ELFN2: variants seen among roughly 807,000 people sequenced by gnomAD.
ELFN2 encodes extracellular leucine rich repeat and fibronectin type III domain containing 2, also known as protein phosphatase 1 regulatory subunit 29.
A neutral mutation model predicts 45.5 loss-of-function variants in ELFN2; 17 were observed. That is an observed-to-expected ratio of 0.37 (90% CI 0.26 to 0.56). ELFN2 has a LOEUF of 0.56. Ranked by LOEUF, ELFN2 falls within the 20% of genes least tolerant of loss-of-function variation. The pLI is 0.77. For synonymous variants in ELFN2, 550 were observed against 551.5 expected (o/e 1.00, Z 0.04); for missense variants, 922 against 1,183.2 (o/e 0.78, Z 3.24).
intron 2 of ELFN2, among the ~76,000 whole-genome samples, chr22:37,411,490 A>G (rs1267704404): frequency 6.6e-6 from 1 of 152,184 alleles, no homozygotes; most frequent in Non-Finnish European, 1.5e-5. Context: ...GTGTGCCCCC[A>G]CAGACCTCAG....
rs1433099257 is a variant in ELFN2 at position 37,417,088 on chromosome 22, GGCC to G, written c.-463+678_-463+680del. Among the ~76,000 whole-genome samples the G allele has an allele frequency of 2.6e-5, 4 of 151,536 alleles. No individual in the cohort carries two copies. The highest frequency in any genetic ancestry group is 4.4e-5 in the Non-Finnish European group (3 of 67,836). ...GCCTGGACAACAGCTCCCTCCACGT[GGCC>G]GCCACCAACACAGCCTCGGTGACAG... On this transcript the variant is annotated intron_variant, in intron 2 of 2. Transcript: ENST00000402918. This position sits in a 1 kb window ranked among gnomAD's most constrained non-coding sequence, Gnocchi z 4.5.
chr22:37,412,743 G>A (rs970504237), intron 2 of ELFN2, among the ~76,000 whole-genome samples: 9 of 152,206 alleles, frequency 5.9e-5, no homozygotes, highest in African/African-American at 1.7e-4. Context: ...GGACTGGCGC[G>A]GCTGCCAGCG....
intron 1 of ELFN2, among the ~76,000 whole-genome samples, chr22:37,360,203 T>C (rs1311863162): frequency 2.0e-5 from 3 of 152,056 alleles, no homozygotes; most frequent in Non-Finnish European, 2.9e-5. Flanking sequence ...AGCCCTAAGT[T>C]CATAGTCTGG....
rs529823224 is a variant in ELFN2 at position 37,375,019 on chromosome 22, G to A, written c.516C>T (p.Ala172=). The part of the protein sequence containing the change: ...RLSRLDGATF[A]SLASLMVCEL... Reference sequence around the variant, plus strand: ...CACACACCATCAGGCTGGCGAGGCTGGCAAAGGTGGCACCGTCCAGGCGGC... The same window carrying A: ...CACACACCATCAGGCTGGCGAGGCTAGCAAAGGTGGCACCGTCCAGGCGGC... The change falls in exon 3 of 3, where the codon GCC becomes GCT. Residue 172 remains alanine, a synonymous_variant. Coordinates refer to ENST00000402918, the MANE Select transcript of ELFN2 (RefSeq NM_052906.5). The A allele has an allele frequency of 3.1e-6, 5 of 1,613,490 alleles. No homozygotes were observed. In the Admixed American group the frequency reaches 6.7e-5, roughly 22 times the overall value.
In ELFN2 at chr22:37,371,956, C is replaced by T. The variant is rs960236606; in HGVS notation, c.*1116G>A. ...GGCGGCTGAGATAGGAGCCGAGATC[C>T]CACGATGGGGTCGGGCAGGTGGGGA... On this transcript the variant is annotated 3_prime_UTR_variant, in exon 3 of 3. Coordinates refer to ENST00000402918, the MANE Select transcript of ELFN2 (RefSeq NM_052906.5). The surrounding 1 kb of genome is among the most constrained non-coding windows in gnomAD (Gnocchi z 6.4). 2.0e-5 allele frequency: 3 copies of T among 152,052 alleles called. No individual in the cohort carries two copies. Among genetic ancestry groups the T allele is most frequent in the Non-Finnish European group, 2.9e-5 (2 of 68,014 alleles). 9.4% of individuals were successfully genotyped at this position (152,052 alleles called of 1,614,324 possible).
In ELFN2 at chr22:37,373,431, C is replaced by G; in HGVS notation, c.2104G>C (p.Ala702Pro). The G allele has an allele frequency of 1.9e-6, 3 of 1,556,576 alleles. No individual in the cohort carries two copies. Among genetic ancestry groups the G allele is most frequent in the Non-Finnish European group, 2.6e-6 (3 of 1,152,756 alleles). ...GGIHHLEVKP[A>P]YHCSEHRHSF... is the part of the protein sequence containing the mutation. ...TGCCGGTGCTCGCTGCAGTGGTAGG[C>G]CGGCTTCACCTCCAGGTGGTGGATG... Residue 702 changes from alanine (A) to proline (P), a missense_variant, in exon 3 of 3, where the codon GCC (alanine) becomes CCC (proline). Coordinates refer to ENST00000402918, the MANE Select transcript of ELFN2 (RefSeq NM_052906.5).
chr22:37,427,130 G>C (rs1288500612), intron 1 of ELFN2, 168 bp downstream of exon 1: 1 of 151,824 alleles, frequency 6.6e-6, no homozygotes, highest in Non-Finnish European at 1.5e-5. Flanking sequence ...GGGATCCCCA[G>C]ACCCAGGAGA....
intron 1 of ELFN2, among the ~76,000 whole-genome samples, chr22:37,355,320 A>G (rs5756645): frequency 1 from 151,988 of 152,330 alleles, 75,825 homozygotes; most frequent in Middle Eastern, 1. Context: ...AGTCAGCCTC[A>G]TAGGTCGGCC....
intron 2 of ELFN2, among the ~76,000 whole-genome samples, chr22:37,408,481 G>A (rs956958091): frequency 7.9e-5 from 12 of 152,248 alleles, no homozygotes; most frequent in Non-Finnish European, 1.6e-4. Flanking sequence ...CTGTTTTACA[G>A]ATGGGGAAAT....
At chr22:37,385,978 C>T (rs1340100611) in intron 2 of ELFN2, among the ~76,000 whole-genome samples, 1 of 152,140 alleles carries the variant, frequency 6.6e-6, no homozygotes, top group East Asian at 1.9e-4. Flanking sequence ...CTGTCCTGAC[C>T]CTCTGACAGC....
chr22:37,415,688 C>G (rs377612194), intron 2 of ELFN2, among the ~76,000 whole-genome samples: 225 of 152,300 alleles, frequency 1.5e-3, no homozygotes, highest in African/African-American at 4.2e-3. Flanking sequence ...GTGGGCCAGG[C>G]GCGGTGGCTC....
At chr22:37,387,521 T>C (rs1931980582) in intron 2 of ELFN2, among the ~76,000 whole-genome samples, 1 of 152,090 alleles carries the variant, frequency 6.6e-6, no homozygotes, top group African/African-American at 2.4e-5. Flanking sequence ...ACTAAGCTTC[T>C]GCCTTCAGGT....
At chr22:37,343,180 A>G (rs752551163) in intron 1 of ELFN2, among the ~76,000 whole-genome samples, 4 of 152,132 alleles carry the variant, frequency 2.6e-5, no homozygotes. Context: ...CAGAAACTCA[A>G]CTGCAGGCTC....
intron 2 of ELFN2, among the ~76,000 whole-genome samples, chr22:37,392,927 C>A (rs1158140954): frequency 6.6e-6 from 1 of 152,252 alleles, no homozygotes; most frequent in Non-Finnish European, 1.5e-5. Flanking sequence ...GACACACCTG[C>A]ATATTCATTA....
At chr22:37,376,655 CA>C (rs1931594268) in intron 2 of ELFN2, among the ~76,000 whole-genome samples, 6 of 152,192 alleles carry the variant, frequency 3.9e-5, no homozygotes. Flanking sequence ...TGGGGCCCCC[CA>C]AGCAGAGGGA....
At chr22:37,382,402 G>A (rs1032372063) in intron 2 of ELFN2, among the ~76,000 whole-genome samples, 4 of 151,954 alleles carry the variant, frequency 2.6e-5, no homozygotes, top group East Asian at 1.9e-4. Context: ...ATGCCGCCAC[G>A]CCCAGCTAAT....
At chr22:37,409,906 G>C (rs1932603270) in intron 2 of ELFN2, among the ~76,000 whole-genome samples, 1 of 152,170 alleles carries the variant, frequency 6.6e-6, no homozygotes, top group Non-Finnish European at 1.5e-5. Flanking sequence ...ACGGGTCAGT[G>C]ACAGCCTCTG....
intron 2 of ELFN2, among the ~76,000 whole-genome samples, chr22:37,401,188 G>A (rs78466825): frequency 0.02 from 3,056 of 152,330 alleles, 120 homozygotes; most frequent in African/African-American, 0.071. Flanking sequence ...GAGACAAAGG[G>A]TCTCCAAAAA....
At chr22:37,348,693 T>C (rs1930752016) in intron 1 of ELFN2, among the ~76,000 whole-genome samples, 1 of 150,688 alleles carries the variant, frequency 6.6e-6, no homozygotes, top group South Asian at 2.1e-4. Flanking sequence ...TTCCCTTCCC[T>C]CTCTCTGTCC....
Sources: gnomAD v4.1 joint callset for allele counts (sites outside exome capture counted in the v4.1 genomes callset) on GRCh38, gnomAD v4.1.1 for gene constraint, Gnocchi (gnomAD v3.1) non-coding constraint, MANE v1.5 for transcripts, NCBI Gene and HGNC (gene_info 2026-07-23, HGNC 2026-07-21) for gene names.